Variants in PCBP3 observed in about 807,000 individuals in gnomAD.
The protein encoded by PCBP3 is poly(rC)-binding protein 3.
A neutral mutation model predicts 52.7 loss-of-function variants in PCBP3; 25 were observed. That is an observed-to-expected ratio of 0.47 (90% confidence interval 0.35 to 0.66). PCBP3 has a LOEUF of 0.66. Among genes scored for constraint, PCBP3 ranks in the 30% least tolerant of loss-of-function variants. PCBP3 has a pLI of 0.01. For synonymous variants in PCBP3, 162 were observed against 183.0 expected, an observed-to-expected ratio of 0.89 and a Z score of 0.93; for missense variants, 391 against 490.3, an observed-to-expected ratio of 0.80 and a Z score of 1.91.
chr21:45,801,398 G>T (rs1228729342), intron 4 of PCBP3, among the ~76,000 whole-genome samples: 1 of 152,248 alleles, frequency 6.6e-6, no homozygotes, highest in Admixed American at 6.5e-5. Context: ...GGGCCCCTGG[G>T]TGCACAAGGA....
At chr21:45,845,636 G>C (rs909898746) in intron 4 of PCBP3, among the ~76,000 whole-genome samples, 2 of 151,822 alleles carry the variant, frequency 1.3e-5, no homozygotes, top group Admixed American at 1.3e-4. Context: ...TTAAGCACCC[G>C]TGTGCACATG....
chr21:45,911,109 C>T (rs1183614262), intron 11 of PCBP3, 79 bp downstream of exon 11: 2 of 1,519,864 alleles, frequency 1.3e-6, no homozygotes, highest in African/African-American at 1.4e-5. Flanking sequence ...GCTTGGAAGC[C>T]CCGGTCGCCC....
At chr21:45,659,328 T>C (rs999906384) in intron 1 of PCBP3, among the ~76,000 whole-genome samples, 49 of 149,006 alleles carry the variant, frequency 3.3e-4, no homozygotes, top group African/African-American at 1.1e-3. Flanking sequence ...TGTGCTTTCT[T>C]TTACTTTCCT....
At chr21:45,759,425 G>A (rs992630197) in intron 4 of PCBP3, among the ~76,000 whole-genome samples, 20 of 152,234 alleles carry the variant, frequency 1.3e-4, no homozygotes, top group African/African-American at 4.8e-4. Context: ...AACATTCCAT[G>A]TTTTTTATCT....
rs569079473 is a variant in PCBP3 at position 45,835,383 on chromosome 21, G to C, written c.-125-14578G>C. Among the ~76,000 whole-genome samples, 6 of 152,284 alleles carry C rather than the reference G, an allele frequency of 3.9e-5. 1 individual carries two copies. The South Asian group carries it at 1.0e-3, about 26-fold the overall frequency. ...GAGGAGTCTGGTGCTCCTGTGCACG[G>C]GGGTCACAGCAAAGCCAAGTGGCCG... On this transcript the variant is annotated intron_variant, in intron 4 of 17. Transcript: ENST00000681687.
At chr21:45,783,337 G>A (rs1010511661) in intron 4 of PCBP3, among the ~76,000 whole-genome samples, 1 of 152,174 alleles carries the variant, frequency 6.6e-6, no homozygotes, top group Non-Finnish European at 1.5e-5. Context: ...GGATGATCAG[G>A]CTGGTCCGAG....
At chr21:45,882,952 G>A (rs2095436524) in intron 5 of PCBP3, among the ~76,000 whole-genome samples, 2 of 152,126 alleles carry the variant, frequency 1.3e-5, no homozygotes, top group African/African-American at 4.8e-5. Flanking sequence ...GATTTATTTT[G>A]TTCTTCTTTT....
At chr21:45,696,051 C>G (rs1364123229) in intron 2 of PCBP3, among the ~76,000 whole-genome samples, 1 of 132,398 alleles carries the variant, frequency 7.6e-6, no homozygotes. Context: ...TGCACTCCAG[C>G]CTGGGTAACT....
chr21:45,890,443 T>C (rs1017529756), intron 5 of PCBP3, among the ~76,000 whole-genome samples: 1 of 151,106 alleles, frequency 6.6e-6, no homozygotes, highest in African/African-American at 2.4e-5. Context: ...CAGGGGAATG[T>C]GGATAATAGA....
chr21:45,738,148 C>T (rs920337794), intron 3 of PCBP3, among the ~76,000 whole-genome samples: 1 of 152,084 alleles, frequency 6.6e-6, no homozygotes, highest in African/African-American at 2.4e-5. Flanking sequence ...TTTTCAGCTA[C>T]AGCAAGATCA....
chr21:45,899,389 C>T (rs567360000), intron 6 of PCBP3, among the ~76,000 whole-genome samples: 2 of 152,284 alleles, frequency 1.3e-5, no homozygotes, highest in South Asian at 4.1e-4. Flanking sequence ...CAAGGAAGAC[C>T]CGGCTCAGGG....
chr21:45,896,335 C>T lies in PCBP3; in HGVS notation c.138C>T (p.Leu46=), dbSNP rs2095824822. 6.4e-7 allele frequency: 1 copy of T among 1,551,992 alleles called. No homozygotes were observed. Residue 46 remains leucine, a synonymous_variant, in exon 6 of 18, where the codon CTC becomes CTT. Transcript: ENST00000681687. ...CAGAAGGTGGCCTGAATGTGACCCT[C>T]ACCATCCGCCTGCTGATGCATGGAA... ...KVSEGGLNVT[L]TIRLLMHGKE...
chr21:45,900,771 C>A, intron 8 of PCBP3, 148 bp downstream of exon 8: 1 of 716,750 alleles, frequency 1.4e-6, no homozygotes, highest in Non-Finnish European at 2.5e-6. Context: ...TTCCCCTACT[C>A]AGGCCTCCTG....
intron 4 of PCBP3, among the ~76,000 whole-genome samples, chr21:45,807,433 A>T (rs2092542837): frequency 1.3e-5 from 2 of 152,232 alleles, no homozygotes; most frequent in East Asian, 3.8e-4. Flanking sequence ...TCCCATTCAC[A>T]ATTGCTACAA....
At chr21:45,908,098 C>T (rs2096252690) in intron 9 of PCBP3, among the ~76,000 whole-genome samples, 1 of 152,138 alleles carries the variant, frequency 6.6e-6, no homozygotes, top group South Asian at 2.1e-4. Flanking sequence ...TCTTAATGAA[C>T]AATTTCGTTA....
At chr21:45,679,835 A>C (rs1451068014) in intron 2 of PCBP3, among the ~76,000 whole-genome samples, 1 of 152,202 alleles carries the variant, frequency 6.6e-6, no homozygotes. Context: ...TTTACATTTT[A>C]TATTTGAGTG....
At chr21:45,860,454 A>G (rs1463977873) in intron 5 of PCBP3, among the ~76,000 whole-genome samples, 1 of 152,132 alleles carries the variant, frequency 6.6e-6, no homozygotes, top group African/African-American at 2.4e-5. Flanking sequence ...TCTGTGTTGA[A>G]CACGCAGTTG....
chr21:45,731,188 A>G (rs1309653156), intron 2 of PCBP3, among the ~76,000 whole-genome samples: 1 of 152,146 alleles, frequency 6.6e-6, no homozygotes, highest in East Asian at 1.9e-4. Flanking sequence ...TGCCCACACA[A>G]TGGGTGGGTT....
In PCBP3 at chr21:45,746,022, T is replaced by C. The variant is rs28690209; in HGVS notation, c.-161-9395T>C. Among the ~76,000 whole-genome samples the C allele has an allele frequency of 6.4e-3, 910 of 142,410 alleles. 49 individuals carry two copies. Among genetic ancestry groups the C allele is most frequent in the African/African-American group, 0.021 (773 of 36,622 alleles). 93.4% of individuals were successfully genotyped at this position (142,410 alleles called of 152,430 possible). A position where few individuals can be genotyped will look rare whatever the true frequency, so the allele number is the denominator to read the frequency against. On this transcript the variant is annotated intron_variant, in intron 3 of 17. Transcript: ENST00000681687. Reference sequence around the variant, plus strand: ...TTGTGTCAGCATCGCTGTCAGTCCATTGACGTAGCACACACGGTGTTGTGT... The same window carrying C: ...TTGTGTCAGCATCGCTGTCAGTCCACTGACGTAGCACACACGGTGTTGTGT...
Sources: allele counts gnomAD v4.1 joint callset (sites outside exome capture counted in the v4.1 genomes callset), GRCh38; gene constraint gnomAD v4.1.1; transcripts MANE v1.5; gene names NCBI Gene and HGNC (gene_info 2026-07-23, HGNC 2026-07-21).